CATIP: variants seen among roughly 807,000 people sequenced by gnomAD.
CATIP encodes ciliogenesis-associated TTC17-interacting protein.
In CATIP, 40 loss-of-function variants were observed where a neutral mutation model predicts 42.5. The observed-to-expected ratio is 0.94, with a 90% CI of 0.73 to 1.22. The LOEUF is 1.22. CATIP is among the 50% of genes most tolerant of loss of function. CATIP has a pLI of 0.00. For missense variants in CATIP, 489 were observed against 496.0 expected (o/e 0.99, Z 0.13); for synonymous variants, 222 against 200.2 (o/e 1.11, Z -0.92).
Position 218,368,016 on chromosome 2 carries a change from G to A in CATIP, c.*52G>A. 6.9e-7 allele frequency: 1 copy of A among 1,456,468 alleles called. No homozygotes were observed. Among genetic ancestry groups the A allele is most frequent in the South Asian group, 1.4e-5 (1 of 72,652 alleles). 90.2% of individuals were successfully genotyped at this position (1,456,468 alleles called of 1,614,324 possible). On this transcript the variant is annotated 3_prime_UTR_variant, in exon 10 of 10. Transcript: ENST00000289388. ...GAAACCAGGGGTCGGGCTGGGACGCGGGCGGGACGCGCCGGGGCGGGTGCG... is the reference window on the plus strand; with the variant it reads ...GAAACCAGGGGTCGGGCTGGGACGCAGGCGGGACGCGCCGGGGCGGGTGCG...
chr2:218,358,454 A>G lies in CATIP; in HGVS notation c.375+362A>G, dbSNP rs1308800507. Among the ~76,000 whole-genome samples the G allele has an allele frequency of 2.6e-5, 4 of 152,080 alleles. No individual in the cohort carries two copies. In the East Asian group the frequency reaches 7.7e-4, roughly 29 times the overall value. ...TGCACGCCTGTAGTCCCAGCTACTC[A>G]GAAGGCTGAGGCAGGAGAATCGCTT... On this transcript the variant is annotated intron_variant, in intron 4 of 9. Transcript: ENST00000289388.
chr2:218,363,256 C>G lies in CATIP; in HGVS notation c.630+354C>G, dbSNP rs375984017. Among the ~76,000 whole-genome samples, 169 of 143,024 alleles carry G rather than the reference C, an allele frequency of 1.2e-3. No homozygotes were observed. The Middle Eastern group carries it at 0.026, about 22-fold the overall frequency. 93.8% of individuals were successfully genotyped at this position (143,024 alleles called of 152,430 possible). ...AGCACTTTGGGAGGCCAAGGCGGGCCGATCACAAGGTCAGGAGATCTAGAC... is the reference window on the plus strand; with the variant it reads ...AGCACTTTGGGAGGCCAAGGCGGGCGGATCACAAGGTCAGGAGATCTAGAC... On this transcript the variant is annotated intron_variant, in intron 6 of 9. Transcript: ENST00000289388.
chr2:218,357,267 C>CTT, intron 2 of CATIP, 80 bp downstream of exon 2: 1 of 788,762 alleles, frequency 1.3e-6, no homozygotes. Context: ...CAGTCTCTCT[C>CTT]TCTCTCTCTC....
intron 4 of CATIP, among the ~76,000 whole-genome samples, chr2:218,359,609 G>A (rs531664220): frequency 6.6e-6 from 1 of 152,164 alleles, no homozygotes; most frequent in Admixed American, 6.5e-5. Context: ...GAGGGCTGGT[G>A]TGGGCTGGGT....
intron 5 of CATIP, among the ~76,000 whole-genome samples, chr2:218,361,976 A>T (rs1267932251): frequency 6.6e-6 from 1 of 151,664 alleles, no homozygotes; most frequent in East Asian, 1.9e-4. Flanking sequence ...GGAGTTCGAG[A>T]CTTGCCTGGG....
chr2:218,367,209 G>A, intron 8 of CATIP, 109 bp downstream of exon 8: 1 of 877,862 alleles, frequency 1.1e-6, no homozygotes, highest in Non-Finnish European at 1.8e-6. Flanking sequence ...AACGGGACAG[G>A]AGCCTGGAAT....
chr2:218,359,714 ACT>A (rs1334608244), intron 4 of CATIP, among the ~76,000 whole-genome samples: 1 of 152,052 alleles, frequency 6.6e-6, no homozygotes, highest in Admixed American at 6.6e-5. Flanking sequence ...TCTGAAGTGC[ACT>A]GTTTTTGAAC....
At chr2:218,360,294 G>A (rs111544877) in intron 4 of CATIP, among the ~76,000 whole-genome samples, 1 of 152,088 alleles carries the variant, frequency 6.6e-6, no homozygotes, top group Non-Finnish European at 1.5e-5. Context: ...TGAGACTACA[G>A]GCATGTGCCA....
chr2:218,364,868 T>A, intron 7 of CATIP, 116 bp downstream of exon 7: 1 of 1,140,742 alleles, frequency 8.8e-7, no homozygotes, highest in Non-Finnish European at 1.2e-6. Context: ...GGAGTGTCCC[T>A]CCGCTTTATC....
chr2:218,367,399 G>A, intron 8 of CATIP, 31 bp from the exon 9 acceptor site: 2 of 1,599,318 alleles, frequency 1.3e-6, no homozygotes, highest in Non-Finnish European at 1.7e-6. Flanking sequence ...TCCGGGGTAG[G>A]GACGCCCAGC....
chr2:218,367,156 C>A, intron 8 of CATIP, 56 bp downstream of exon 8: 2 of 1,385,374 alleles, frequency 1.4e-6, no homozygotes, highest in Non-Finnish European at 2.0e-6. Flanking sequence ...GTGGGGAAAC[C>A]TGGGCCTTCC....
chr2:218,358,165 A>C (rs1404066136), intron 4 of CATIP, 73 bp downstream of exon 4: 7 of 1,274,894 alleles, frequency 5.5e-6, no homozygotes, highest in Non-Finnish European at 7.8e-6. Context: ...AAACAGCAGC[A>C]ACAACAAACC....
At chr2:218,367,692 G>T in intron 9 of CATIP, 30 bp from the exon 10 acceptor site, 2 of 1,580,908 alleles carry the variant, frequency 1.3e-6, no homozygotes, top group Non-Finnish European at 1.7e-6. Context: ...GGTCCCGTCC[G>T]GCTGAGGCTC....
In CATIP at chr2:218,367,483, G is replaced by A; in HGVS notation, c.886G>A (p.Asp296Asn). The change falls in exon 9 of 10, where the codon GAT (aspartate) becomes AAT (asparagine). Residue 296 changes from aspartate (D) to asparagine (N), a missense_variant. Transcript: ENST00000289388. Reference sequence around the variant, plus strand: ...GAAGAAGCCCCTGGTATGGGAGGAGGATATGGAGCTCTATTCGAAGTTCCT... The same window carrying A: ...GAAGAAGCCCCTGGTATGGGAGGAGAATATGGAGCTCTATTCGAAGTTCCT... ...FEKKPLVWEE[D>N]MELYSKFLDR... The A allele has an allele frequency of 1.2e-6, 2 of 1,614,220 alleles. No homozygotes were observed. Among genetic ancestry groups the A allele is most frequent in the South Asian group, 1.1e-5 (1 of 91,086 alleles).
intron 4 of CATIP, among the ~76,000 whole-genome samples, chr2:218,359,162 C>A (rs1695147618): frequency 6.6e-6 from 1 of 151,652 alleles, no homozygotes; most frequent in Admixed American, 6.6e-5. Flanking sequence ...GATGGTGAAA[C>A]CCTACCTCTA....
intron 7 of CATIP, chr2:218,366,713 T>C (rs1695454801): frequency 2.7e-6 from 1 of 371,936 alleles, no homozygotes; most frequent in Non-Finnish European, 5.1e-6. Context: ...TCCAAGATCA[T>C]GGTGCCATCA....
rs3845833 is a variant in CATIP, at chr2:218,367,084, C to T, written c.816C>T (p.Pro272=). The change falls in exon 8 of 10, where the codon CCC becomes CCT. Residue 272 remains proline, a synonymous_variant. Transcript: ENST00000289388. ...GGTGCTGCATCATCACCAAGATGCCCATCTTGAGGGAAGAGGGTGAGTGAA... is the reference window on the plus strand; with the variant it reads ...GGTGCTGCATCATCACCAAGATGCCTATCTTGAGGGAAGAGGGTGAGTGAA... ...SPGCCIITKM[P]ILREEDEIEP... 1,612,131 of 1,613,552 alleles carry T rather than the reference C, an allele frequency of 1. 805,366 individuals are homozygous for T. Among genetic ancestry groups the T allele is most frequent in the East Asian group, 1 (44,868 of 44,868 alleles).
rs1428853541 is a variant in CATIP, at chr2:218,357,025, C to T, written c.26-70C>T. On this transcript the variant is annotated intron_variant, in intron 1 of 9. Transcript: ENST00000289388. ...GGTGCTGGGGCCAGGACTGAGGTAC[C>T]CTGCCTTGCCTCCCTGACCCCTGCC... 25 of 1,562,206 alleles carry T rather than the reference C, an allele frequency of 1.6e-5. No individual in the cohort carries two copies. In the South Asian group the frequency reaches 2.6e-4, roughly 16 times the overall value.
chr2:218,361,076 C>T (rs1695216434), intron 5 of CATIP, among the ~76,000 whole-genome samples: 1 of 152,102 alleles, frequency 6.6e-6, no homozygotes, highest in South Asian at 2.1e-4. Context: ...GGTGATCCGC[C>T]CGCCTCAGCC....
Sources: allele counts gnomAD v4.1 joint callset (sites outside exome capture counted in the v4.1 genomes callset), GRCh38; gene constraint gnomAD v4.1.1; transcripts MANE v1.5; gene names NCBI Gene and HGNC (gene_info 2026-07-23, HGNC 2026-07-21).